Variants in AUTS2 observed in about 807,000 individuals in gnomAD.
AUTS2 encodes the protein autism susceptibility gene 2 protein.
A neutral mutation model predicts 112.4 loss-of-function variants in AUTS2; 17 were observed. The ratio of observed to expected loss-of-function variants is 0.15; its 90% CI spans 0.10 to 0.23. The LOEUF (loss-of-function observed/expected upper bound fraction) is 0.23, where lower values mean the gene tolerates loss of function less well. Ranked by LOEUF, AUTS2 falls within the 10% of genes least tolerant of loss-of-function variation. The pLI is 1.00. For missense variants in AUTS2, 1,510 were observed against 1,701.6 expected, an observed-to-expected ratio of 0.89 and a Z score of 1.98; for synonymous variants, 751 against 702.7, an observed-to-expected ratio of 1.07 and a Z score of -1.09.
intron 5 of AUTS2, among the ~76,000 whole-genome samples, chr7:70,545,273 A>T (rs1367504735): frequency 6.6e-6 from 1 of 152,180 alleles, no homozygotes; most frequent in African/African-American, 2.4e-5. Context: ...GCAGTTCCCT[A>T]AGTTCTGGCA....
At chr7:69,957,204 C>A (rs1315187915) in intron 2 of AUTS2, among the ~76,000 whole-genome samples, 1 of 151,958 alleles carries the variant, frequency 6.6e-6, no homozygotes, top group Non-Finnish European at 1.5e-5. Context: ...AGAGTTTCAT[C>A]AAAGAAACTG....
At chr7:69,926,473 A>ATCTG (rs1796017598) in intron 2 of AUTS2, among the ~76,000 whole-genome samples, 1 of 138,908 alleles carries the variant, frequency 7.2e-6, no homozygotes, top group Non-Finnish European at 1.6e-5. Context: ...CTATCTATCT[A>ATCTG]TCTATCTATC....
rs764083438 is a variant in AUTS2 at position 70,777,129 on chromosome 7, T to C, written c.1959T>C (p.His653=). 1 of 1,614,136 alleles carries C rather than the reference T, an allele frequency of 6.2e-7. No homozygotes were observed. The highest frequency in any genetic ancestry group is 1.1e-5 in the South Asian group (1 of 91,086). The stretch of plus-strand genomic sequence containing the variant: ...AACCAGGGAAGTGGTGTGCTATGCA[T>C]GTTCACATCGCCTGGCAGATTTACC... ...LRKPGKWCAM[H]VHIAWQIYHH... The change falls in exon 14 of 19, where the codon CAT becomes CAC. Residue 653 remains histidine, a synonymous_variant. Transcript: ENST00000342771.
intron 4 of AUTS2, chr7:70,194,653 T>C (rs1810081558): frequency 6.6e-6 from 1 of 152,170 alleles, no homozygotes; most frequent in African/African-American, 2.4e-5. Context: ...GTGTTTGCTA[T>C]CTCTCCCATC....
intron 2 of AUTS2, among the ~76,000 whole-genome samples, chr7:69,915,286 A>G (rs2129542236): frequency 6.6e-6 from 1 of 152,338 alleles, no homozygotes; most frequent in South Asian, 2.1e-4. Flanking sequence ...CTTTTGAGAA[A>G]AATGCATTAT....
At chr7:69,880,648 CT>C (rs1794005058) in intron 1 of AUTS2, among the ~76,000 whole-genome samples, 1 of 152,120 alleles carries the variant, frequency 6.6e-6, no homozygotes, top group East Asian at 1.9e-4. Flanking sequence ...CATTTTGAGC[CT>C]TTTCGAAGCG....
At chr7:70,724,937 C>T (rs370728059) in intron 6 of AUTS2, among the ~76,000 whole-genome samples, 26 of 152,170 alleles carry the variant, frequency 1.7e-4, no homozygotes, top group African/African-American at 5.3e-4. Flanking sequence ...AACACTAGGA[C>T]GTTAAAAACT....
intron 3 of AUTS2, among the ~76,000 whole-genome samples, chr7:70,132,615 A>G (rs1032782360): frequency 3.9e-5 from 6 of 152,194 alleles, no homozygotes; most frequent in Admixed American, 1.3e-4. Context: ...ACCTGCATAA[A>G]CAATAGCCAG....
intron 5 of AUTS2, among the ~76,000 whole-genome samples, chr7:70,532,586 A>G (rs1209791563): frequency 6.6e-6 from 1 of 152,118 alleles, no homozygotes; most frequent in African/African-American, 2.4e-5. Context: ...AAAATGAACT[A>G]TTCCTGCATT....
chr7:69,682,680 A>G (rs146372039), intron 1 of AUTS2, among the ~76,000 whole-genome samples: 1 of 152,350 alleles, frequency 6.6e-6, no homozygotes, highest in African/African-American at 2.4e-5. Context: ...CGGTAGCAGC[A>G]GTTGTGCAGT....
At chr7:70,574,281 T>TA (rs914110503) in intron 5 of AUTS2, among the ~76,000 whole-genome samples, 5 of 152,188 alleles carry the variant, frequency 3.3e-5, no homozygotes, top group African/African-American at 9.6e-5. Context: ...AGGTCTTTTT[T>TA]AAAAAAAGCA....
intron 1 of AUTS2, among the ~76,000 whole-genome samples, chr7:69,686,490 C>A (rs193094679): frequency 2.6e-4 from 40 of 152,100 alleles, no homozygotes; most frequent in African/African-American, 9.4e-4. Flanking sequence ...TTAGGGACCT[C>A]AAGAATATTG....
rs1281522232 is a variant in AUTS2, at chr7:70,246,059, T to C, written c.660+111488T>C. On this transcript the variant is annotated intron_variant, in intron 4 of 18. Transcript: ENST00000342771. ...ATGTCTTTATTTTAATGTTGAACTT[T>C]TTCTTATTCAGTTATAAGAGTGCTT... Among the ~76,000 whole-genome samples the C allele has an allele frequency of 2.0e-5, 3 of 151,658 alleles. No homozygotes were observed. The East Asian group carries it at 5.8e-4, about 29-fold the overall frequency.
intron 4 of AUTS2, among the ~76,000 whole-genome samples, chr7:70,228,437 T>G (rs968382431): frequency 6.6e-6 from 1 of 151,908 alleles, no homozygotes; most frequent in Admixed American, 6.6e-5. Flanking sequence ...ATTATTGATT[T>G]GATTGGATTT....
chr7:70,411,095 C>T, intron 4 of AUTS2, among the ~76,000 whole-genome samples: 1 of 152,068 alleles, frequency 6.6e-6, no homozygotes, highest in Non-Finnish European at 1.5e-5. Flanking sequence ...GAACTCCTGA[C>T]CTCAGGTGAT....
At position 70,672,663 on chromosome 7, in the gene AUTS2, C is replaced by T. The variant is rs544617983; in HGVS notation, c.691-25906C>T. On this transcript the variant is annotated intron_variant, in intron 5 of 18. Coordinates refer to ENST00000342771, the MANE Select transcript of AUTS2 (RefSeq NM_015570.4). ...CTGTCACCAGGCTGGAGTGTAATGGCGCAATCTCAGCTCGCTGCAACCTCC... is the reference window on the plus strand; with the variant it reads ...CTGTCACCAGGCTGGAGTGTAATGGTGCAATCTCAGCTCGCTGCAACCTCC... Among the ~76,000 whole-genome samples the T allele has an allele frequency of 5.9e-5, 9 of 152,006 alleles. No homozygotes were observed. The East Asian group carries it at 1.4e-3, about 23-fold the overall frequency.
intron 1 of AUTS2, among the ~76,000 whole-genome samples, chr7:69,839,327 T>G (rs186562258): frequency 1.3e-5 from 2 of 152,270 alleles, no homozygotes; most frequent in Admixed American, 1.3e-4. Flanking sequence ...TAGTCTGTGA[T>G]CTAGTCTTCT....
At chr7:70,579,130 T>C (rs2129526838) in intron 5 of AUTS2, among the ~76,000 whole-genome samples, 1 of 150,480 alleles carries the variant, frequency 6.6e-6, no homozygotes, top group African/African-American at 2.4e-5. Flanking sequence ...GGTTTCACCA[T>C]GTTGGCCAGG....
At chr7:70,556,493 A>T (rs1477651122) in intron 5 of AUTS2, among the ~76,000 whole-genome samples, 5 of 152,210 alleles carry the variant, frequency 3.3e-5, no homozygotes, top group African/African-American at 7.2e-5. Flanking sequence ...GGGTTGTGAC[A>T]ATCGCAGCTG....
Sources: gnomAD v4.1 joint callset for allele counts (sites outside exome capture counted in the v4.1 genomes callset) on GRCh38, gnomAD v4.1.1 for gene constraint, MANE v1.5 for transcripts, NCBI Gene and HGNC (gene_info 2026-07-23, HGNC 2026-07-21) for gene names.